Variants in DNAH9 observed in about 807,000 individuals in gnomAD.
The protein encoded by DNAH9 is DNAH9 variant protein.
Under a neutral mutation model 471.6 loss-of-function variants are expected in DNAH9, and 345 were observed. The ratio of observed to expected loss-of-function variants is 0.73; its 90% confidence interval spans 0.67 to 0.80. The LOEUF (loss-of-function observed/expected upper bound fraction) is 0.80, where lower values mean the gene tolerates loss of function less well. Ranked by LOEUF, DNAH9 falls within the 30% of genes least tolerant of loss-of-function variation. The probability of loss-of-function intolerance (pLI) is 0.00; values close to 1 mark genes in which losing one functional copy is unlikely to be tolerated. For synonymous variants in DNAH9, 2,093 were observed against 2,123.6 expected, an observed-to-expected ratio of 0.99 and a Z score of 0.40; for missense variants, 5,407 against 5,609.2, an observed-to-expected ratio of 0.96 and a Z score of 1.15.
At chr17:11,673,609 T>G (rs1195722753) in intron 17 of DNAH9, among the ~76,000 whole-genome samples, 1 of 151,746 alleles carries the variant, frequency 6.6e-6, no homozygotes, top group East Asian at 1.9e-4. Flanking sequence ...TTGTTTTTTT[T>G]TTTTTTTTGG....
intron 14 of DNAH9, among the ~76,000 whole-genome samples, chr17:11,655,552 C>T (rs2073623418): frequency 6.6e-6 from 1 of 151,854 alleles, no homozygotes; most frequent in African/African-American, 2.4e-5. Flanking sequence ...ACCTTTATGA[C>T]TACCCTGGAG....
Position 11,629,546 on chromosome 17 carries a change from T to C in DNAH9, c.1480T>C (p.Ser494Pro), listed in dbSNP as rs1158625918. Residue 494 changes from serine (S) to proline (P), a missense_variant, in exon 7 of 69, where the codon TCA becomes CCA. Physicochemically the swap from Ser to Pro is moderately conservative, Grantham distance 74 (BLOSUM62 -1). Transcript: ENST00000262442. ...ATTTCAAGAGATGTACAGGCTTCTC[T>C]CAGGATCCTCCTCCGACTGCCTGTA... ...EEFQEMYRLL[S>P]GSSSDCLYLQ... 1 of 1,613,970 alleles carries C rather than the reference T, an allele frequency of 6.2e-7. No homozygotes were observed. The highest frequency in any genetic ancestry group is 8.5e-7 in the Non-Finnish European group (1 of 1,180,026).
intron 53 of DNAH9, among the ~76,000 whole-genome samples, chr17:11,877,450 G>A (rs1200236902): frequency 7.3e-6 from 1 of 136,400 alleles, no homozygotes; most frequent in Non-Finnish European, 1.5e-5. Context: ...TCCAGCCTGG[G>A]GGACAAGAAC....
At chr17:11,862,687 T>TA (rs1299827883) in intron 50 of DNAH9, among the ~76,000 whole-genome samples, 1 of 152,216 alleles carries the variant, frequency 6.6e-6, no homozygotes, top group Non-Finnish European at 1.5e-5. Context: ...GTATCCTCTT[T>TA]AATTTCATTG....
chr17:11,884,293 T>A (rs924079372), intron 56 of DNAH9: 5 of 211,556 alleles, frequency 2.4e-5, no homozygotes, highest in Non-Finnish European at 4.9e-5. Flanking sequence ...TTCCTTTATT[T>A]TATAATGTTT....
chr17:11,757,824 G>A, intron 35 of DNAH9, 132 bp downstream of exon 35: 1 of 937,260 alleles, frequency 1.1e-6, no homozygotes, highest in Non-Finnish European at 1.6e-6. Flanking sequence ...CTCCAGGCAT[G>A]GCAGATGGCA....
At position 11,822,810 on chromosome 17, in the gene DNAH9, A is replaced by G. The variant is rs1970353885; in HGVS notation, c.9022A>G (p.Lys3008Glu). The part of the protein sequence containing the change: ...QNTEGIEPTV[K>E]QSISKFMAFV... Reference sequence around the variant, plus strand: ...TGCTCTTTGGTTTTAGCCCACAGTAAAGCAGTCGATTAGCAAATTCATGGC... The same window carrying G: ...TGCTCTTTGGTTTTAGCCCACAGTAGAGCAGTCGATTAGCAAATTCATGGC... Residue 3008 changes from lysine (K) to glutamate (E), a missense_variant, in exon 48 of 69, where the codon AAG becomes GAG. Lys to Glu is a moderately conservative substitution (Grantham distance 56, BLOSUM62 1). Around this residue, in one of 3 missense-constraint regions of DNAH9, gnomAD observed 4,636 missense variants for 4,900.3 expected, o/e 0.95. Transcript: ENST00000262442. 1 of 1,614,214 alleles carries G rather than the reference A, an allele frequency of 6.2e-7. No homozygotes were observed. Among genetic ancestry groups the G allele is most frequent in the Non-Finnish European group, 8.5e-7 (1 of 1,180,042 alleles).
intron 26 of DNAH9, among the ~76,000 whole-genome samples, chr17:11,716,371 G>T (rs951534500): frequency 6.6e-6 from 1 of 151,938 alleles, no homozygotes; most frequent in Non-Finnish European, 1.5e-5. Context: ...GTGAGCCACC[G>T]TGCCCGGCCC....
intron 22 of DNAH9, among the ~76,000 whole-genome samples, chr17:11,694,734 T>C (rs866700234): frequency 0.31 from 858 of 2,768 alleles, 389 homozygotes; most frequent in South Asian, 1. Context: ...CTCTTTCTCT[T>C]TCTTTCTTTC....
rs566263556 is a variant in DNAH9, at chr17:11,901,531, A to G, written c.11407-1188A>G. On this transcript the variant is annotated intron_variant, in intron 59 of 68. Transcript: ENST00000262442. The stretch of plus-strand genomic sequence containing the variant: ...ACCAATATGGTGAAACCCCGTCTCT[A>G]CTAAAAATACAAAAATTAGCCAGGC... Among the ~76,000 whole-genome samples the G allele has an allele frequency of 2.6e-5, 4 of 152,224 alleles. No homozygotes were observed. In the South Asian group the frequency reaches 8.3e-4, roughly 32 times the overall value.
Position 11,902,897 on chromosome 17 carries a change from T to C in DNAH9, c.11585T>C (p.Met3862Thr). 1 of 1,613,268 alleles carries C rather than the reference T, an allele frequency of 6.2e-7. No homozygotes were observed. The highest frequency in any genetic ancestry group is 1.1e-5 in the South Asian group (1 of 91,058). ...CTGAGAGCCATGCGGCCCGACCGGATGACCTATGCTTTGCGGTAGGAAACA... is the reference window on the plus strand; with the variant it reads ...CTGAGAGCCATGCGGCCCGACCGGACGACCTATGCTTTGCGGTAGGAAACA... ...CMLRAMRPDR[M>T]TYALRDFVEE... Residue 3862 changes from methionine to threonine, a missense_variant, in exon 60 of 69, where the codon ATG becomes ACG. By Grantham distance (81) the Met-to-Thr change is moderately conservative (BLOSUM62 -1). Transcript: ENST00000262442.
intron 1 of DNAH9, among the ~76,000 whole-genome samples, chr17:11,607,579 A>AT (rs1190986296): frequency 2.6e-5 from 4 of 151,390 alleles, no homozygotes; most frequent in Admixed American, 6.6e-5. Context: ...TTCTTTTTAC[A>AT]TTTTTTCTGA....
chr17:11,849,839 G>A (rs373227909), intron 49 of DNAH9, among the ~76,000 whole-genome samples: 3 of 152,080 alleles, frequency 2.0e-5, no homozygotes, highest in South Asian at 2.1e-4. Flanking sequence ...TTGTATCCCC[G>A]TCACTCAAAC....
chr17:11,716,419 G>A (rs1164298650), intron 26 of DNAH9, among the ~76,000 whole-genome samples: 1 of 151,836 alleles, frequency 6.6e-6, no homozygotes, highest in East Asian at 1.9e-4. Flanking sequence ...TGGCCTGAGG[G>A]AAAGCCCCAC....
intron 49 of DNAH9, among the ~76,000 whole-genome samples, chr17:11,847,912 C>G (rs1285549404): frequency 6.6e-6 from 1 of 152,072 alleles, no homozygotes; most frequent in Non-Finnish European, 1.5e-5. Flanking sequence ...TTTCTTCGGC[C>G]TCCACCTGCC....
intron 53 of DNAH9, among the ~76,000 whole-genome samples, chr17:11,878,549 G>T (rs1325332298): frequency 5.3e-5 from 8 of 150,110 alleles, no homozygotes; most frequent in Non-Finnish European, 1.0e-4. Context: ...TAGTTTTTTT[G>T]TTTGTTTGTT....
At chr17:11,636,286 G>T (rs2073164877) in intron 8 of DNAH9, among the ~76,000 whole-genome samples, 1 of 152,198 alleles carries the variant, frequency 6.6e-6, no homozygotes, top group South Asian at 2.1e-4. Context: ...TTACAGGCAT[G>T]AGCCACCGCG....
chr17:11,659,944 A>G (rs953285585), intron 14 of DNAH9, among the ~76,000 whole-genome samples: 12 of 152,204 alleles, frequency 7.9e-5, no homozygotes, highest in Non-Finnish European at 1.8e-4. Flanking sequence ...TGGGATCTGT[A>G]GTGCTGCATC....
At chr17:11,646,174 T>C (rs9891171) in intron 11 of DNAH9, among the ~76,000 whole-genome samples, 146,716 of 151,396 alleles carry the variant, frequency 0.97, 71,156 homozygotes, top group Non-Finnish European at 0.99. Flanking sequence ...CCACCACGCC[T>C]GGCTAATTTT....
Sources: gnomAD v4.1 joint callset for allele counts (sites outside exome capture counted in the v4.1 genomes callset) on GRCh38, gnomAD v4.1.1 for gene constraint, gnomAD v4.1.1 regional missense constraint, MANE v1.5 for transcripts, NCBI Gene and HGNC (gene_info 2026-07-23, HGNC 2026-07-21) for gene names.